Variants in P2RY8 observed in about 807,000 individuals in gnomAD.
P2RY8 encodes the protein P2Y receptor family member 8, also known as S-geranylgeranyl-glutathione receptor P2RY8.
A neutral mutation model predicts 10.0 loss-of-function variants in P2RY8; 6 were observed. That is an observed-to-expected ratio of 0.60 (90% CI 0.33 to 1.19). The LOEUF (loss-of-function observed/expected upper bound fraction) is 1.19. Among genes scored for constraint, P2RY8 ranks in the 50% most tolerant of loss-of-function variants. The pLI is 0.04. For synonymous variants in P2RY8, 276 were observed against 252.5 expected (o/e 1.09, Z -0.88); for missense variants, 456 against 542.0 (o/e 0.84, Z 1.58).
At chrX:1,535,240 T>C (rs2149419208) in intron 1 of P2RY8, among the ~76,000 whole-genome samples, 1 of 122,118 alleles carries the variant, frequency 8.2e-6, no homozygotes, top group South Asian at 2.7e-4. Flanking sequence ...CAGGCTGGAG[T>C]GCAGTGGCGC....
intron 1 of P2RY8, among the ~76,000 whole-genome samples, chrX:1,504,967 C>T (rs2092217227): frequency 6.6e-6 from 1 of 151,774 alleles, no homozygotes; most frequent in African/African-American, 2.4e-5. Context: ...CCTGTCTCTA[C>T]TAAAAAAAAT....
chrX:1,479,214 G>T (rs1238526031), intron 1 of P2RY8, among the ~76,000 whole-genome samples: 1 of 152,226 alleles, frequency 6.6e-6, no homozygotes, highest in African/African-American at 2.4e-5. Context: ...GAGTTCGTTT[G>T]CTCTGGAGCC....
intron 1 of P2RY8, among the ~76,000 whole-genome samples, chrX:1,530,275 AT>A (rs2092465327): frequency 4.1e-5 from 6 of 147,000 alleles, no homozygotes; most frequent in Non-Finnish European, 8.9e-5. Flanking sequence ...ACCATTATCT[AT>A]CTATCTATCT....
At position 1,465,276 on chromosome X, in the gene P2RY8, T is replaced by C. The variant is rs35544304; in HGVS notation, c.*203A>G. The C allele has an allele frequency of 0.13, 104,112 of 806,850 alleles. 7,962 individuals are homozygous for C. Among genetic ancestry groups the C allele is most frequent in the Middle Eastern group, 0.18 (485 of 2,666 alleles). 50.0% of individuals were successfully genotyped at this position (806,850 alleles called of 1,614,324 possible). A position where few individuals can be genotyped will look rare whatever the true frequency, so the allele number is the denominator to read the frequency against. On this transcript the variant is annotated 3_prime_UTR_variant, in exon 2 of 2. Transcript: ENST00000381297. The stretch of plus-strand genomic sequence containing the variant: ...CTGGGCTTTGCTTGTTTCTCTACCC[T>C]GAGTGAAGCCTGGAGACCCTTCCTC...
rs751056296 is a variant in P2RY8 at position 1,521,944 on chromosome X, CTTT to C, written c.-25+14974_-25+14976del. On this transcript the variant is annotated intron_variant, in intron 1 of 1. Transcript: ENST00000381297. The stretch of plus-strand genomic sequence containing the variant: ...TGTCTTTCTCTTTCTCTCTCGCTCT[CTTT>C]TTTTTTTTTTTTTTTTTTTTTTGAG... Among the ~76,000 whole-genome samples the C allele has an allele frequency of 5.6e-4, 22 of 39,026 alleles. No individual in the cohort carries two copies. In the East Asian group the frequency reaches 0.016, roughly 28 times the overall value. 25.6% of individuals were successfully genotyped at this position (39,026 alleles called of 152,430 possible).
intron 1 of P2RY8, among the ~76,000 whole-genome samples, chrX:1,532,631 A>C (rs184020406): frequency 7.2e-4 from 110 of 152,094 alleles, no homozygotes; most frequent in South Asian, 1.7e-3. Flanking sequence ...AAGTGAAGTA[A>C]CTCAGGAATG....
chrX:1,493,396 GGAAGGA>G (rs1264816080), intron 1 of P2RY8, among the ~76,000 whole-genome samples: 1 of 31,880 alleles, frequency 3.1e-5, no homozygotes, highest in Admixed American at 3.4e-4. Context: ...AGGGAGGGAG[GGAAGGA>G]GGAAGGAGGA....
chrX:1,491,103 G>T (rs2092043323), intron 1 of P2RY8, among the ~76,000 whole-genome samples: 1 of 150,766 alleles, frequency 6.6e-6, no homozygotes, highest in African/African-American at 2.4e-5. Context: ...TGGGGGGAAT[G>T]AATGAATGAC....
intron 1 of P2RY8, among the ~76,000 whole-genome samples, chrX:1,518,895 A>G (rs1301275363): frequency 6.6e-6 from 1 of 152,014 alleles, no homozygotes; most frequent in East Asian, 1.9e-4. Context: ...CTGGTCTGCA[A>G]TAATCTTCCT....
intron 1 of P2RY8, among the ~76,000 whole-genome samples, chrX:1,524,434 CATCCATTCATCCATCT>C (rs1407343881): frequency 0.032 from 4,622 of 145,668 alleles, 430 homozygotes; most frequent in Non-Finnish European, 0.047. Flanking sequence ...TCCATCCATC[CATCCATTCATCCATCT>C]ATCCATCCAT....
At chrX:1,498,445 G>A (rs1229932575) in intron 1 of P2RY8, among the ~76,000 whole-genome samples, 1 of 149,746 alleles carries the variant, frequency 6.7e-6, no homozygotes, top group Non-Finnish European at 1.5e-5. Flanking sequence ...AAAACTTGAA[G>A]AGGGCCAGCC....
intron 1 of P2RY8, among the ~76,000 whole-genome samples, chrX:1,497,587 G>A (rs2092129994): frequency 6.6e-6 from 1 of 152,084 alleles, no homozygotes; most frequent in South Asian, 2.1e-4. Context: ...GAACCCGGGA[G>A]GCGGAGGTTG....
intron 1 of P2RY8, among the ~76,000 whole-genome samples, chrX:1,519,008 A>G (rs1390864603): frequency 6.6e-6 from 1 of 151,152 alleles, no homozygotes; most frequent in Non-Finnish European, 1.5e-5. Context: ...GTGGTCCCCA[A>G]TCATCTCCTT....
intron 1 of P2RY8, among the ~76,000 whole-genome samples, chrX:1,469,878 G>A (rs2091761898): frequency 6.6e-6 from 1 of 152,056 alleles, no homozygotes; most frequent in African/African-American, 2.4e-5. Flanking sequence ...CATCCAGCCT[G>A]GGCAACAGAG....
intron 1 of P2RY8, among the ~76,000 whole-genome samples, chrX:1,526,417 C>CCATT (rs1268917552): frequency 2.8e-4 from 43 of 151,724 alleles, no homozygotes; most frequent in African/African-American, 8.7e-4. Context: ...ATTCATGCAT[C>CCATT]CATTCATTCA....
At chrX:1,526,724 T>C (rs780672310) in intron 1 of P2RY8, among the ~76,000 whole-genome samples, 1 of 152,164 alleles carries the variant, frequency 6.6e-6, no homozygotes, top group Admixed American at 6.5e-5. Flanking sequence ...TATCCATCTA[T>C]ACAGCCATCT....
intron 1 of P2RY8, among the ~76,000 whole-genome samples, chrX:1,478,405 T>C (rs1237321391): frequency 6.6e-6 from 1 of 152,052 alleles, no homozygotes; most frequent in Non-Finnish European, 1.5e-5. Context: ...ACAGGTCCTT[T>C]TGGGAGGGAG....
rs1216641330 is a variant in P2RY8, at chrX:1,509,409, TA to T, written c.-25+27511del. ...CTATCTATCTATCTATCTATCTATC[TA>T]TCTATTTCTATTATCTATCTATCAT... On this transcript the variant is annotated intron_variant, in intron 1 of 1. Coordinates refer to ENST00000381297, the MANE Select transcript of P2RY8 (RefSeq NM_178129.5). 3.8e-4 allele frequency among the ~76,000 whole-genome samples: 54 copies of T among 143,696 alleles called. 1 individual carries two copies. In the East Asian group the frequency reaches 6.2e-3, roughly 17 times the overall value. 94.3% of individuals were successfully genotyped at this position (143,696 alleles called of 152,430 possible).
At position 1,464,555 on chromosome X, in the gene P2RY8, C is replaced by G. The variant is rs147827776; in HGVS notation, c.*924G>C. ...GGCAGGAGGTGGGGAACTCCCGAAT[C>G]AAGCTGCACCCTTGTGTTGGGATGG... On this transcript the variant is annotated 3_prime_UTR_variant, in exon 2 of 2. Coordinates refer to ENST00000381297, the MANE Select transcript of P2RY8 (RefSeq NM_178129.5). 2.5e-3 allele frequency: 594 copies of G among 233,424 alleles called. 9 individuals are homozygous for G. The East Asian group carries it at 0.034, about 13-fold the overall frequency. 14.5% of individuals were successfully genotyped at this position (233,424 alleles called of 1,614,324 possible). A position where few individuals can be genotyped will look rare whatever the true frequency, so the allele number is the denominator to read the frequency against.
Sources: allele counts gnomAD v4.1 joint callset (sites outside exome capture counted in the v4.1 genomes callset), GRCh38; gene constraint gnomAD v4.1.1; transcripts MANE v1.5; gene names NCBI Gene and HGNC (gene_info 2026-07-23, HGNC 2026-07-21).